The following HMGXB4 variants were observed in gnomAD, a reference collection of about 807,000 sequenced individuals.
The protein encoded by HMGXB4 is HMG-box containing 4.
HMGXB4 carries 27 observed loss-of-function variants against 63.9 expected under a neutral mutation model. That is an observed-to-expected ratio of 0.42 (90% CI 0.31 to 0.58). The LOEUF (loss-of-function observed/expected upper bound fraction) is 0.58. Ranked by LOEUF, HMGXB4 falls within the 20% of genes least tolerant of loss-of-function variation. The pLI, the probability that HMGXB4 is intolerant of heterozygous loss-of-function variation, is 0.13. For synonymous variants in HMGXB4, 264 were observed against 265.3 expected (o/e 0.99, Z 0.05); for missense variants, 624 against 700.7 (o/e 0.89, Z 1.24).
the HMGXB4 span, among the ~76,000 whole-genome samples, chr22:35,243,707 C>T: frequency 6.6e-6 from 1 of 152,060 alleles, no homozygotes; most frequent in African/African-American, 2.4e-5. Context: ...CCACGCCCGG[C>T]TAATTTTTGT....
At chr22:35,281,608 A>G (rs1428056217) in intron 5 of HMGXB4, among the ~76,000 whole-genome samples, 1 of 152,222 alleles carries the variant, frequency 6.6e-6, no homozygotes, top group Non-Finnish European at 1.5e-5. Context: ...GTTTTATAAT[A>G]TGGCCAAACA....
chr22:35,271,707 C>T (rs1404886348), intron 5 of HMGXB4, among the ~76,000 whole-genome samples: 1 of 152,178 alleles, frequency 6.6e-6, no homozygotes, highest in Non-Finnish European at 1.5e-5. Flanking sequence ...ATCAGACTCA[C>T]CAGGACAACG....
At chr22:35,271,110 T>A (rs924929305) in intron 5 of HMGXB4, among the ~76,000 whole-genome samples, 3 of 151,938 alleles carry the variant, frequency 2.0e-5, no homozygotes, top group African/African-American at 7.2e-5. Context: ...TTTTTTTTTT[T>A]AATTAGCCAG....
In HMGXB4 at chr22:35,264,065, TAGA is replaced by T. The variant is rs1429531028; in HGVS notation, c.259+196_259+198del. On this transcript the variant is annotated intron_variant, in intron 4 of 10. Transcript: ENST00000216106. The stretch of plus-strand genomic sequence containing the variant: ...GGCTGGTATTTTGGAGGATTCAGCA[TAGA>T]AGAACAGTCTGCATTTGTGATACAC... The T allele has an allele frequency of 2.6e-6, 4 of 1,543,602 alleles. No homozygotes were observed. The African/African-American group carries it at 4.1e-5, about 16-fold the overall frequency.
intron 5 of HMGXB4, among the ~76,000 whole-genome samples, chr22:35,278,659 T>TA (rs1024038543): frequency 1.6e-4 from 24 of 150,830 alleles, no homozygotes; most frequent in Admixed American, 4.6e-4. Context: ...TTAATATTAT[T>TA]TTTTTTTAAG....
intron 5 of HMGXB4, among the ~76,000 whole-genome samples, chr22:35,266,076 A>T (rs1294694113): frequency 6.6e-6 from 1 of 151,762 alleles, no homozygotes; most frequent in Non-Finnish European, 1.5e-5. Flanking sequence ...GGCATGAGCC[A>T]CCATGCCCGG....
rs750155075 is a variant in HMGXB4, at chr22:35,288,314, A to G, written c.1545A>G (p.Lys515=). ...TTMLLPASPA[K]APETEPIDVA... The stretch of plus-strand genomic sequence containing the variant: ...TGCTGTTACCAGCCTCACCAGCCAA[A>G]GCCCCTGAGACAGAGCCCATTGATG... Residue 515 remains lysine, a synonymous_variant, in exon 9 of 11, where the codon AAA becomes AAG. Transcript: ENST00000216106. 6.2e-7 allele frequency: 1 copy of G among 1,612,622 alleles called. No homozygotes were observed. The highest frequency in any genetic ancestry group is 1.1e-5 in the South Asian group (1 of 90,866).
chr22:35,259,460 T>C (rs548023323), intron 1 of HMGXB4, among the ~76,000 whole-genome samples: 37 of 152,240 alleles, frequency 2.4e-4, no homozygotes, highest in Non-Finnish European at 4.0e-4. Context: ...TTCATTTTCA[T>C]TAATCCTCAC....
chr22:35,259,536 AG>A lies in HMGXB4; in HGVS notation c.-69+1983del, dbSNP rs1031573329. Among the ~76,000 whole-genome samples, 116 of 142,064 alleles carry A rather than the reference AG, an allele frequency of 8.2e-4. 1 individual carries two copies. The highest frequency in any genetic ancestry group is 2.3e-3 in the Admixed American group (31 of 13,582). 93.2% of individuals were successfully genotyped at this position (142,064 alleles called of 152,430 possible). A position where few individuals can be genotyped will look rare whatever the true frequency, so the allele number is the denominator to read the frequency against. ...GTATTCAAGACCTGGAAGGAATATCAGGGGTTCATCTGATCTTATATAAATG... is the reference window on the plus strand; with the variant it reads ...GTATTCAAGACCTGGAAGGAATATCAGGGTTCATCTGATCTTATATAAATG... On this transcript the variant is annotated intron_variant, in intron 1 of 10. Coordinates refer to ENST00000216106, the MANE Select transcript of HMGXB4 (RefSeq NM_001003681.3).
chr22:35,255,038 C>T (rs1922332074), upstream of HMGXB4, among the ~76,000 whole-genome samples: 1 of 152,166 alleles, frequency 6.6e-6, no homozygotes, highest in Non-Finnish European at 1.5e-5. Flanking sequence ...TTGTGTCTAC[C>T]CCAACCTAAT....
At chr22:35,259,412 A>G (rs907627274) in intron 1 of HMGXB4, among the ~76,000 whole-genome samples, 4 of 152,248 alleles carry the variant, frequency 2.6e-5, no homozygotes, top group Admixed American at 2.6e-4. Flanking sequence ...TAATGTAATT[A>G]TGACCTCCCT....
At chr22:35,270,165 G>A (rs1379608626) in intron 5 of HMGXB4, among the ~76,000 whole-genome samples, 3 of 152,164 alleles carry the variant, frequency 2.0e-5, no homozygotes, top group Non-Finnish European at 2.9e-5. Context: ...TGAGTGGCGG[G>A]CAAGCCATTG....
At position 35,263,064 on chromosome 22, in the gene HMGXB4, C is replaced by A. The variant is rs1268214143; in HGVS notation, c.32-14C>A. The A allele has an allele frequency of 6.2e-7, 1 of 1,612,214 alleles. No individual in the cohort carries two copies. The highest frequency in any genetic ancestry group is 8.5e-7 in the Non-Finnish European group (1 of 1,179,350). The stretch of plus-strand genomic sequence containing the variant: ...TTTCTCATTTCCTTTCCCAAATAAA[C>A]CTGTGCTTCTCAGATTGTTTTGATG... On this transcript the variant is annotated splice_polypyrimidine_tract_variant and intron_variant, in intron 2 of 10. Transcript: ENST00000216106.
In HMGXB4 at chr22:35,291,251, G is replaced by C. The variant is rs542696652; in HGVS notation, c.1639-1741G>C. Among the ~76,000 whole-genome samples, 306 of 152,286 alleles carry C rather than the reference G, an allele frequency of 2.0e-3. 2 individuals are homozygous for C. Among genetic ancestry groups the C allele is most frequent in the African/African-American group, 6.8e-3 (282 of 41,540 alleles). On this transcript the variant is annotated intron_variant, in intron 9 of 10. Transcript: ENST00000216106. ...CACTCCATCCAGCCTGGGCAACAGA[G>C]TGAGACCCTGTCTCAAAAAAAATAA...
Position 35,264,734 on chromosome 22 carries a change from A to T in HMGXB4, c.346A>T (p.Ile116Phe), listed in dbSNP as rs762543591. ...TDTAMDLLKA[I>F]TSPLAAGSKP... is the part of the protein sequence containing the mutation. ...TACAGCTATGGACCTGTTGAAAGCT[A>T]TCACTTCCCCACTGGCAGCAGGCTC... The change falls in exon 5 of 11, where the codon ATC becomes TTC. Residue 116 changes from isoleucine to phenylalanine, a missense_variant. Ile to Phe is a conservative substitution (Grantham distance 21). Transcript: ENST00000216106. The T allele has an allele frequency of 1.2e-6, 2 of 1,614,020 alleles. No homozygotes were observed. Among genetic ancestry groups the T allele is most frequent in the Non-Finnish European group, 1.7e-6 (2 of 1,179,956 alleles).
the HMGXB4 span, among the ~76,000 whole-genome samples, chr22:35,243,700 C>A: frequency 1.3e-5 from 2 of 151,996 alleles, no homozygotes; most frequent in African/African-American, 2.4e-5. Context: ...TATGCCACCA[C>A]GCCCGGCTAA....
At chr22:35,289,086 G>A (rs1035305119) in intron 9 of HMGXB4, among the ~76,000 whole-genome samples, 1 of 151,836 alleles carries the variant, frequency 6.6e-6, no homozygotes, top group Non-Finnish European at 1.5e-5. Context: ...GTTGCAGTGA[G>A]TCAAGATTGC....
chr22:35,276,526 C>G (rs1462618579), intron 5 of HMGXB4, among the ~76,000 whole-genome samples: 13 of 152,040 alleles, frequency 8.6e-5, no homozygotes, highest in Admixed American at 8.5e-4. Context: ...GGTGGAACAC[C>G]CAGAATAATT....
intron 4 of HMGXB4, chr22:35,264,165 C>T: frequency 1.0e-6 from 1 of 960,322 alleles, no homozygotes; most frequent in African/African-American, 1.6e-5. Flanking sequence ...ATCCCTTTTG[C>T]CATACGTAGT....
Sources: allele counts gnomAD v4.1 joint callset (sites outside exome capture counted in the v4.1 genomes callset), GRCh38; gene constraint gnomAD v4.1.1; transcripts MANE v1.5; gene names NCBI Gene and HGNC (gene_info 2026-07-23, HGNC 2026-07-21).